NKAIN2: variants seen among roughly 807,000 people sequenced by gnomAD.
The protein encoded by NKAIN2 is sodium/potassium-transporting ATPase subunit beta-1-interacting protein 2.
A neutral mutation model predicts 32.6 loss-of-function variants in NKAIN2; 14 were observed. The observed-to-expected ratio is 0.43, with a 90% CI of 0.28 to 0.67. NKAIN2 has a LOEUF of 0.67. Ranked by LOEUF, NKAIN2 falls within the 30% of genes least tolerant of loss-of-function variation. NKAIN2 has a pLI of 0.17. For missense variants in NKAIN2, 198 were observed against 258.3 expected (o/e 0.77, Z 1.60); for synonymous variants, 80 against 87.2 (o/e 0.92, Z 0.46).
intron 1 of NKAIN2, among the ~76,000 whole-genome samples, chr6:124,223,462 T>C (rs1791941939): frequency 6.6e-6 from 1 of 152,086 alleles, no homozygotes; most frequent in South Asian, 2.1e-4. Context: ...GTTTCTACCA[T>C]TGGGTGTCTT....
chr6:124,820,317 G>C (rs1427786979), intron 6 of NKAIN2, among the ~76,000 whole-genome samples: 2 of 152,180 alleles, frequency 1.3e-5, no homozygotes, highest in Non-Finnish European at 2.9e-5. Flanking sequence ...CTCCGACCGT[G>C]GGCATGTAAC....
intron 4 of NKAIN2, among the ~76,000 whole-genome samples, chr6:124,712,044 C>A (rs1191103605): frequency 6.6e-6 from 1 of 151,838 alleles, no homozygotes; most frequent in East Asian, 1.9e-4. Context: ...AACAGCAGGA[C>A]CCTCAGCTGC....
rs1371847719 is a variant in NKAIN2 at position 124,479,047 on chromosome 6, G to A, written c.273+123700G>A. 3.3e-5 allele frequency among the ~76,000 whole-genome samples: 5 copies of A among 151,994 alleles called. No homozygotes were observed. In the East Asian group the frequency reaches 5.8e-4, roughly 18 times the overall value. On this transcript the variant is annotated intron_variant, in intron 3 of 6. Transcript: ENST00000368417. ...CCCTAGTCTGAGCATGAGGAAAACC[G>A]ACAAACACAAATGGAGGGATATTCT...
chr6:124,429,667 G>A (rs1219281039), intron 3 of NKAIN2, among the ~76,000 whole-genome samples: 1 of 152,158 alleles, frequency 6.6e-6, no homozygotes, highest in Non-Finnish European at 1.5e-5. Flanking sequence ...AATAAATGAA[G>A]AAATGAAACC....
intron 1 of NKAIN2, among the ~76,000 whole-genome samples, chr6:124,256,620 A>C (rs921957641): frequency 6.6e-6 from 1 of 152,084 alleles, no homozygotes; most frequent in African/African-American, 2.4e-5. Flanking sequence ...GAAAAATCTT[A>C]ATTTCCAGTC....
chr6:123,951,795 A>G (rs1432370975), intron 1 of NKAIN2, among the ~76,000 whole-genome samples: 1 of 151,850 alleles, frequency 6.6e-6, no homozygotes, highest in African/African-American at 2.4e-5. Context: ...ATATTCATTA[A>G]TATTGTTTTT....
intron 1 of NKAIN2, among the ~76,000 whole-genome samples, chr6:124,010,056 C>A (rs1780253936): frequency 1.3e-5 from 2 of 152,082 alleles, no homozygotes; most frequent in African/African-American, 4.8e-5. Context: ...AAATGAATAT[C>A]TTCAGCCTCT....
At chr6:123,877,965 G>A (rs1020155044) in intron 1 of NKAIN2, among the ~76,000 whole-genome samples, 6 of 152,064 alleles carry the variant, frequency 3.9e-5, no homozygotes, top group South Asian at 2.1e-4. Flanking sequence ...GGTGGCCTAC[G>A]CCTGTAATCC....
chr6:124,410,432 G>C (rs1301285030), intron 3 of NKAIN2, among the ~76,000 whole-genome samples: 9 of 152,102 alleles, frequency 5.9e-5, no homozygotes, highest in Non-Finnish European at 1.3e-4. Context: ...CTTTATTTCT[G>C]CCTTCATTTC....
At chr6:124,242,835 C>A (rs1793177840) in intron 1 of NKAIN2, among the ~76,000 whole-genome samples, 1 of 136,558 alleles carries the variant, frequency 7.3e-6, no homozygotes, top group Admixed American at 8.1e-5. Flanking sequence ...GGGAGTTGAA[C>A]AATGAGAACG....
chr6:124,248,461 A>G (rs1793530644), intron 1 of NKAIN2, among the ~76,000 whole-genome samples: 1 of 151,978 alleles, frequency 6.6e-6, no homozygotes, highest in African/African-American at 2.4e-5. Context: ...TTTATTTACT[A>G]TTGCTCATAT....
chr6:123,839,249 G>A (rs1470789895), intron 1 of NKAIN2, among the ~76,000 whole-genome samples: 7 of 151,546 alleles, frequency 4.6e-5, no homozygotes, highest in Admixed American at 4.6e-4. Context: ...AAAAATTGGA[G>A]TCAATTTCAG....
At chr6:123,978,679 T>TTGTG (rs879607053) in intron 1 of NKAIN2, among the ~76,000 whole-genome samples, 1 of 151,586 alleles carries the variant, frequency 6.6e-6, no homozygotes, top group Non-Finnish European at 1.5e-5. Context: ...AATTTCACAA[T>TTGTG]TGTGTGTGTG....
intron 3 of NKAIN2, among the ~76,000 whole-genome samples, chr6:124,382,718 C>T (rs1161339874): frequency 2.0e-5 from 3 of 152,174 alleles, no homozygotes; most frequent in Non-Finnish European, 2.9e-5. Flanking sequence ...ATAATTAATG[C>T]ACTGTCTCAA....
intron 3 of NKAIN2, among the ~76,000 whole-genome samples, chr6:124,489,796 C>T (rs1027215868): frequency 5.9e-5 from 9 of 151,760 alleles, no homozygotes; most frequent in African/African-American, 1.9e-4. Context: ...TGTCACCAAA[C>T]ATATTCATAA....
intron 1 of NKAIN2, among the ~76,000 whole-genome samples, chr6:123,828,248 G>A (rs531537133): frequency 1.3e-5 from 2 of 152,170 alleles, no homozygotes; most frequent in Non-Finnish European, 2.9e-5. Context: ...ATTTGCCTCT[G>A]TATTACCTGG....
chr6:124,069,070 A>G (rs1443239329), intron 1 of NKAIN2, among the ~76,000 whole-genome samples: 1 of 152,148 alleles, frequency 6.6e-6, no homozygotes, highest in Non-Finnish European at 1.5e-5. Context: ...AGGGATCACT[A>G]CATTTTGAAA....
intron 1 of NKAIN2, among the ~76,000 whole-genome samples, chr6:124,272,802 G>T (rs1301310687): frequency 1.3e-5 from 2 of 152,176 alleles, no homozygotes; most frequent in African/African-American, 4.8e-5. Flanking sequence ...AAGGCCTTGG[G>T]AGCCCACCCC....
chr6:123,984,311 G>A (rs1343040806), intron 1 of NKAIN2, among the ~76,000 whole-genome samples: 2 of 152,046 alleles, frequency 1.3e-5, no homozygotes, highest in Non-Finnish European at 2.9e-5. Context: ...ATTAATAGCA[G>A]TAAGTATACT....
Sources: allele counts gnomAD v4.1 joint callset (sites outside exome capture counted in the v4.1 genomes callset), GRCh38; gene constraint gnomAD v4.1.1; transcripts MANE v1.5; gene names NCBI Gene and HGNC (gene_info 2026-07-23, HGNC 2026-07-21).